Variants in PPWD1 observed in about 807,000 individuals in gnomAD.
PPWD1 encodes peptidylprolyl isomerase domain and WD repeat containing 1.
PPWD1 carries 43 observed loss-of-function variants against 68.8 expected under a neutral mutation model. That is an observed-to-expected ratio of 0.62 (90% CI 0.49 to 0.81). The LOEUF is 0.81. Ranked by LOEUF, PPWD1 falls within the 30% of genes least tolerant of loss-of-function variation. The pLI, the probability that PPWD1 is intolerant of heterozygous loss-of-function variation, is 0.00. For missense variants in PPWD1, 672 were observed against 804.8 expected (o/e 0.83, Z 2.00); for synonymous variants, 232 against 258.7 (o/e 0.90, Z 0.99).
Position 65,585,994 on chromosome 5 carries a change from T to A in PPWD1, c.1615-5T>A. 6.2e-7 allele frequency: 1 copy of A among 1,611,412 alleles called. No individual in the cohort carries two copies. Among genetic ancestry groups the A allele is most frequent in the South Asian group, 1.1e-5 (1 of 90,860 alleles). On this transcript the variant is annotated splice_region_variant and splice_polypyrimidine_tract_variant and intron_variant, in intron 9 of 10. Coordinates refer to ENST00000261308, the MANE Select transcript of PPWD1 (RefSeq NM_015342.4). Reference sequence around the variant, plus strand: ...ATGTAATGTTTTTGTGTACTTTCTGTTAAGGGCTTTATGATTCAGACTGGA... The same window carrying A: ...ATGTAATGTTTTTGTGTACTTTCTGATAAGGGCTTTATGATTCAGACTGGA...
intron 7 of PPWD1, among the ~76,000 whole-genome samples, chr5:65,580,633 T>G (rs967131548): frequency 3.3e-5 from 5 of 152,050 alleles, no homozygotes; most frequent in African/African-American, 1.2e-4. Context: ...CCTGCCTCAG[T>G]CTCCTGGGTA....
At chr5:65,573,336 T>C (rs1288120141) in intron 5 of PPWD1, among the ~76,000 whole-genome samples, 1 of 148,482 alleles carries the variant, frequency 6.7e-6, no homozygotes, top group Non-Finnish European at 1.5e-5. Flanking sequence ...GAGACAGAGT[T>C]GCACTTGAGT....
chr5:65,586,321 A>G (rs2150611991), intron 10 of PPWD1, 140 bp downstream of exon 10: 3 of 888,834 alleles, frequency 3.4e-6, no homozygotes, highest in Admixed American at 3.5e-5. Flanking sequence ...GAAAATGATC[A>G]AGAATATAAA....
At chr5:65,567,431 CAATTTT>C in intron 1 of PPWD1, 76 bp from the exon 2 acceptor site, 1 of 1,407,516 alleles carries the variant, frequency 7.1e-7, no homozygotes, top group Non-Finnish European at 9.4e-7. Flanking sequence ...AGAGTGTAGA[CAATTTT>C]AAATAAAGAA....
At chr5:65,586,280 T>C (rs1753846683) in intron 10 of PPWD1, 99 bp downstream of exon 10, 2 of 1,145,540 alleles carry the variant, frequency 1.7e-6, no homozygotes, top group African/African-American at 1.6e-5. Context: ...ATTTTCTGCA[T>C]TATTTATATC....
At chr5:65,574,488 G>A (rs891067777) in intron 5 of PPWD1, among the ~76,000 whole-genome samples, 10 of 108,684 alleles carry the variant, frequency 9.2e-5, no homozygotes, top group African/African-American at 2.9e-4. Context: ...ACGGAGTCTC[G>A]CCCTGTTGCC....
intron 6 of PPWD1, among the ~76,000 whole-genome samples, chr5:65,578,292 C>T (rs1433138262): frequency 1.3e-5 from 2 of 152,206 alleles, no homozygotes; most frequent in African/African-American, 4.8e-5. Flanking sequence ...TGTATAAAAG[C>T]TGCTATAATC....
chr5:65,578,760 GTATA>G (rs1228425453), intron 6 of PPWD1, among the ~76,000 whole-genome samples: 21 of 74,166 alleles, frequency 2.8e-4, no homozygotes, highest in Non-Finnish European at 5.3e-4. Context: ...ACATATATGT[GTATA>G]TATATATACA....
intron 4 of PPWD1, among the ~76,000 whole-genome samples, chr5:65,570,700 C>A (rs1752972081): frequency 6.6e-6 from 1 of 152,042 alleles, no homozygotes; most frequent in African/African-American, 2.4e-5. Context: ...TGAGGGCTGT[C>A]TTTCTTACTT....
intron 6 of PPWD1, 122 bp from the exon 7 acceptor site, chr5:65,579,302 A>G: frequency 7.7e-7 from 1 of 1,296,064 alleles, no homozygotes; most frequent in Non-Finnish European, 9.9e-7. Flanking sequence ...ACTTTTAAAA[A>G]TCTTTCACTA....
chr5:65,581,382 C>CAAGACCT (rs1753588993), intron 7 of PPWD1, among the ~76,000 whole-genome samples: 1 of 152,080 alleles, frequency 6.6e-6, no homozygotes, highest in Admixed American at 6.6e-5. Context: ...AGCCCAGGAC[C>CAAGACCT]AAGACCTGCC....
Position 65,583,166 on chromosome 5 carries a change from T to C in PPWD1, c.1479T>C (p.Ser493=). ...AAGGACCTAAACGAGTTTCGGACAG[T>C]GCCATTATCCACACCAGCATGGGAG... The part of the protein sequence containing the change: ...QAEGPKRVSD[S]AIIHTSMGDI... Residue 493 remains serine, a synonymous_variant, in exon 8 of 11, where the codon AGT becomes AGC. Transcript: ENST00000261308. 6.2e-7 allele frequency: 1 copy of C among 1,612,766 alleles called. No individual in the cohort carries two copies. The highest frequency in any genetic ancestry group is 8.5e-7 in the Non-Finnish European group (1 of 1,179,502).
intron 5 of PPWD1, among the ~76,000 whole-genome samples, chr5:65,573,401 T>C (rs1260742404): frequency 1.4e-5 from 2 of 146,646 alleles, no homozygotes; most frequent in African/African-American, 2.5e-5. Context: ...CAAGCGATTC[T>C]CCTGTCTCAG....
At position 65,586,181 on chromosome 5, in the gene PPWD1, G is replaced by A. The variant is rs780352271; in HGVS notation, c.1797G>A (p.Thr599=). 168 of 1,610,440 alleles carry A rather than the reference G, an allele frequency of 1.0e-4. 1 individual carries two copies. The South Asian group carries it at 1.3e-3, about 12-fold the overall frequency. The change falls in exon 10 of 11, where the codon ACG becomes ACA. Residue 599 remains threonine, a splice_region_variant and synonymous_variant. Transcript: ENST00000261308. ...GSQFFITVVP[T]PWLDNKHTVF... ...AGTTTTTCATAACGGTAGTACCAAC[G>A]GTAAGTACAGTATCATTGTTTATAA...
chr5:65,579,441 G>T lies in PPWD1; in HGVS notation c.1178G>T (p.Gly393Val), dbSNP rs1268554553. Reference protein sequence around the residue: ...VETNRCVRILGKQENIRVMQL... With the variant: ...VETNRCVRILVKQENIRVMQL... ...ATTTTTAGGTGTGTGCGGATTTTAGGCAAACAAGAAAATATTAGAGTGATG... is the reference window on the plus strand; with the variant it reads ...ATTTTTAGGTGTGTGCGGATTTTAGTCAAACAAGAAAATATTAGAGTGATG... Residue 393 changes from glycine to valine, a missense_variant, in exon 7 of 11, where the codon GGC becomes GTC. This residue lies in a region of PPWD1 where 484 missense variants were observed against 646.2 expected (regional missense o/e 0.75). Transcript: ENST00000261308. 1 of 1,559,062 alleles carries T rather than the reference G, an allele frequency of 6.4e-7. No individual in the cohort carries two copies. Among genetic ancestry groups the T allele is most frequent in the Non-Finnish European group, 8.6e-7 (1 of 1,156,538 alleles).
chr5:65,585,040 G>C lies in PPWD1; in HGVS notation c.1559G>C (p.Cys520Ser). The C allele has an allele frequency of 6.2e-7, 1 of 1,612,686 alleles. No homozygotes were observed. The highest frequency in any genetic ancestry group is 2.2e-5 in the East Asian group (1 of 44,792). Residue 520 changes from cysteine to serine, a missense_variant, in exon 9 of 11, where the codon TGT becomes TCT. Transcript: ENST00000261308. ...TGCCCTAAGACAGTGGAAAACTTCT[G>C]TGTTCACAGCAGAAATGGTTATTAT... Reference protein sequence around the residue: ...VECPKTVENFCVHSRNGYYNG... With the variant: ...VECPKTVENFSVHSRNGYYNG...
intron 2 of PPWD1, 128 bp downstream of exon 2, chr5:65,567,743 A>G: frequency 7.4e-7 from 1 of 1,358,516 alleles, no homozygotes; most frequent in East Asian, 2.6e-5. Context: ...AAGTTCTGAA[A>G]TAAAGGCCTA....
chr5:65,569,852 T>C (rs1752940848), intron 3 of PPWD1, 26 bp from the exon 4 acceptor site: 3 of 1,578,450 alleles, frequency 1.9e-6, no homozygotes, highest in Non-Finnish European at 2.6e-6. Context: ...TTTACTAGAA[T>C]GTTTTAATTT....
rs759377458 is a variant in PPWD1, at chr5:65,585,966, A to G, written c.1615-33A>G. On this transcript the variant is annotated intron_variant, in intron 9 of 10. Coordinates refer to ENST00000261308, the MANE Select transcript of PPWD1 (RefSeq NM_015342.4). ...TCAAAGCGTACATATATCGAAAAGG[A>G]CAATGTAATGTTTTTGTGTACTTTC... is the stretch of plus-strand genomic sequence containing the variant. The G allele has an allele frequency of 5.0e-6, 8 of 1,605,730 alleles. No homozygotes were observed. The South Asian group carries it at 8.9e-5, about 18-fold the overall frequency.
Sources: gnomAD v4.1 joint callset for allele counts (sites outside exome capture counted in the v4.1 genomes callset) on GRCh38, gnomAD v4.1.1 for gene constraint, gnomAD v4.1.1 regional missense constraint, MANE v1.5 for transcripts, NCBI Gene and HGNC (gene_info 2026-07-23, HGNC 2026-07-21) for gene names.